Variants in TRIM74 observed in about 807,000 individuals in gnomAD.
TRIM74 encodes the protein tripartite motif-containing protein 74.
A neutral mutation model predicts 14.5 loss-of-function variants in TRIM74; 3 were observed. The ratio of observed to expected loss-of-function variants is 0.21; its 90% confidence interval spans 0.09 to 0.53. TRIM74 has a LOEUF of 0.53. Among genes scored for constraint, TRIM74 ranks in the 20% least tolerant of loss-of-function variants. The pLI, the probability that TRIM74 is intolerant of heterozygous loss-of-function variation, is 0.95. For synonymous variants in TRIM74, 10 were observed against 71.3 expected, an observed-to-expected ratio of 0.14 and a Z score of 4.33; for missense variants, 26 against 174.0, an observed-to-expected ratio of 0.15 and a Z score of 4.79.
chr7:72,960,356 G>A, intron 3 of TRIM74, 105 bp from the exon 4 acceptor site: 1 of 497,430 alleles, frequency 2.0e-6, no homozygotes, highest in Admixed American at 4.9e-5. Context: ...TTGGTCCTGG[G>A]ACCTGAGTCT....
downstream of TRIM74, chr7:72,955,111 A>ATATATATATTTTTTTTTT (rs1346659193): frequency 1.8e-5 from 2 of 112,068 alleles, no homozygotes; most frequent in African/African-American, 8.3e-5. Context: ...ATATATATAT[A>ATATATATATTTTTTTTTT]TTTTTTTTTT....
chr7:72,963,959 C>T (rs1444374022), intron 2 of TRIM74, among the ~76,000 whole-genome samples: 4 of 42,512 alleles, frequency 9.4e-5, no homozygotes, highest in African/African-American at 2.6e-4. Flanking sequence ...ATTTCACACA[C>T]GTGATCTCCT....
rs1447405773 is a variant in TRIM74 at position 72,963,665 on chromosome 7, G to A, written c.399+2094C>T. On this transcript the variant is annotated intron_variant, in intron 2 of 4. Coordinates refer to ENST00000285805, the MANE Select transcript of TRIM74 (RefSeq NM_198853.3). Reference sequence around the variant, plus strand: ...ACGGGAGGATCACTTGAGGCCAGGAGTTTGAGTCCAGCCTGGACAAAATAG... The same window carrying A: ...ACGGGAGGATCACTTGAGGCCAGGAATTTGAGTCCAGCCTGGACAAAATAG... 5.6e-5 allele frequency among the ~76,000 whole-genome samples: 8 copies of A among 142,118 alleles called. 1 individual carries two copies. Among genetic ancestry groups the A allele is most frequent in the Non-Finnish European group, 1.1e-4 (7 of 64,070 alleles). The allele number at this position is 142,118 out of a possible 152,430, so 93.2% of individuals were successfully genotyped here. A position where few individuals can be genotyped will look rare whatever the true frequency, so the allele number is the denominator to read the frequency against.
intron 1 of TRIM74, among the ~76,000 whole-genome samples, chr7:72,967,496 AG>A (rs1798316052): frequency 6.7e-6 from 1 of 149,754 alleles, no homozygotes; most frequent in African/African-American, 2.5e-5. Context: ...TCTGGGCTCA[AG>A]CAATCCTCCC....
At chr7:72,967,162 A>C (rs537213246) in intron 1 of TRIM74, among the ~76,000 whole-genome samples, 530 of 152,164 alleles carry the variant, frequency 3.5e-3, no homozygotes, top group African/African-American at 0.012. Context: ...CACACTGTCC[A>C]CACCTCACGA....
chr7:72,962,554 C>T (rs1259106230), intron 2 of TRIM74, among the ~76,000 whole-genome samples: 346 of 9,186 alleles, frequency 0.038, 17 homozygotes, highest in African/African-American at 0.17. Context: ...TGGTAGCGGG[C>T]GCCTGTAGTC....
intron 2 of TRIM74, among the ~76,000 whole-genome samples, chr7:72,963,673 C>G: frequency 7.0e-6 from 1 of 143,514 alleles, no homozygotes; most frequent in Admixed American, 7.0e-5. Context: ...GAGTTTGAGT[C>G]CAGCCTGGAC....
chr7:72,955,112 T>TA (rs1491401490), downstream of TRIM74: 13,008 of 122,328 alleles, frequency 0.11, 261 homozygotes, highest in East Asian at 0.14. Flanking sequence ...TATATATATA[T>TA]TTTTTTTTTT....
downstream of TRIM74, among the ~76,000 whole-genome samples, chr7:72,955,982 T>C (rs2129581893): frequency 6.6e-6 from 1 of 151,130 alleles, no homozygotes; most frequent in Middle Eastern, 3.4e-3. Context: ...TTTTGTTCTT[T>C]CATCTTGAGA....
At chr7:72,967,254 G>A (rs1563189169) in intron 1 of TRIM74, among the ~76,000 whole-genome samples, 3 of 147,086 alleles carry the variant, frequency 2.0e-5, no homozygotes, top group African/African-American at 5.0e-5. Context: ...TTTGGGGGGG[G>A]TGGGGGGCTG....
intron 1 of TRIM74, among the ~76,000 whole-genome samples, chr7:72,967,567 TTC>T (rs1263806574): frequency 7.5e-4 from 100 of 133,828 alleles, no homozygotes; most frequent in African/African-American, 2.9e-3. Context: ...GCAGTCTTCC[TTC>T]TCTCTCTCTT....
At chr7:72,966,947 G>T (rs1554507408) in intron 1 of TRIM74, 1 of 143,458 alleles carries the variant, frequency 7.0e-6, no homozygotes, top group Non-Finnish European at 1.5e-5. Flanking sequence ...AAGTGCAGCT[G>T]GACGCCTGCA....
chr7:72,963,911 C>A (rs1233940360), intron 2 of TRIM74, among the ~76,000 whole-genome samples: 1 of 54,776 alleles, frequency 1.8e-5, no homozygotes, highest in Non-Finnish European at 3.8e-5. Flanking sequence ...ATAATCAGTT[C>A]TTACTGCTAC....
At chr7:72,963,840 G>A (rs1347458081) in intron 2 of TRIM74, among the ~76,000 whole-genome samples, 1 of 71,278 alleles carries the variant, frequency 1.4e-5, no homozygotes, top group Non-Finnish European at 2.8e-5. Flanking sequence ...ACATAAACTC[G>A]GCTTCCTCAC....
chr7:72,967,163 C>T (rs1798302012), intron 1 of TRIM74, among the ~76,000 whole-genome samples: 1 of 152,288 alleles, frequency 6.6e-6, no homozygotes, highest in Non-Finnish European at 1.5e-5. Context: ...ACACTGTCCA[C>T]ACCTCACGAC....
At chr7:72,969,228 CA>C (rs1283110372) in intron 1 of TRIM74, 56 bp downstream of exon 1, 2 of 272,090 alleles carry the variant, frequency 7.4e-6, no homozygotes, top group African/African-American at 4.7e-5. Context: ...CGTGCCCCAT[CA>C]TGCTCTGCGT....
chr7:72,967,154 C>CA (rs1440073066), intron 1 of TRIM74, among the ~76,000 whole-genome samples: 1 of 152,296 alleles, frequency 6.6e-6, no homozygotes, highest in Non-Finnish European at 1.5e-5. Flanking sequence ...GGACTAGGCA[C>CA]ACTGTCCACA....
At chr7:72,966,370 G>C in intron 1 of TRIM74, among the ~76,000 whole-genome samples, 195 bp from the exon 2 acceptor site, 1 of 139,776 alleles carries the variant, frequency 7.2e-6, no homozygotes, top group Non-Finnish European at 1.5e-5. Flanking sequence ...GAAAAAACTG[G>C]TCCCTTGAAG....
intron 1 of TRIM74, chr7:72,966,951 G>A (rs1323322302): frequency 2.1e-5 from 3 of 143,436 alleles, no homozygotes; most frequent in African/African-American, 7.7e-5. Flanking sequence ...GCAGCTGGAC[G>A]CCTGCACCAC....
Sources: allele counts gnomAD v4.1 joint callset (sites outside exome capture counted in the v4.1 genomes callset), GRCh38; gene constraint gnomAD v4.1.1; transcripts MANE v1.5; gene names NCBI Gene and HGNC (gene_info 2026-07-23, HGNC 2026-07-21).